The following KCNIP4 variants were observed in gnomAD, a reference collection of about 807,000 sequenced individuals.
KCNIP4 encodes the protein Kv channel-interacting protein 4.
In KCNIP4, 12 loss-of-function variants were observed where a neutral mutation model predicts 34.0. The ratio of observed to expected loss-of-function variants is 0.35; its 90% CI spans 0.23 to 0.57. The LOEUF (loss-of-function observed/expected upper bound fraction) is 0.57, where lower values mean the gene tolerates loss of function less well. KCNIP4 is among the 20% of genes least tolerant of loss of function. The pLI is 0.83. For missense variants in KCNIP4, 238 were observed against 311.7 expected (o/e 0.76, Z 1.78); for synonymous variants, 124 against 102.2 (o/e 1.21, Z -1.29).
intron 1 of KCNIP4, among the ~76,000 whole-genome samples, chr4:21,632,800 C>A (rs114757400): frequency 6.6e-6 from 1 of 152,154 alleles, no homozygotes; most frequent in Non-Finnish European, 1.5e-5. Flanking sequence ...GGAGGTCCAG[C>A]GTAAAGTAAT....
intron 1 of KCNIP4, among the ~76,000 whole-genome samples, chr4:21,197,976 G>A (rs756534768): frequency 1.2e-4 from 18 of 152,114 alleles, no homozygotes; most frequent in Non-Finnish European, 2.5e-4. Flanking sequence ...AACTTCATTT[G>A]AGGGGCAACA....
intron 1 of KCNIP4, among the ~76,000 whole-genome samples, chr4:21,186,928 C>T (rs558630897): frequency 3.5e-4 from 53 of 152,278 alleles, no homozygotes; most frequent in African/African-American, 1.3e-3. Context: ...GTGTGAGACA[C>T]TGGGCCCAGC....
At chr4:21,342,359 A>G (rs1164895351) in intron 1 of KCNIP4, among the ~76,000 whole-genome samples, 1 of 152,188 alleles carries the variant, frequency 6.6e-6, no homozygotes, top group African/African-American at 2.4e-5. Flanking sequence ...TATATACAGC[A>G]TAGGAAAAAA....
rs114539168 is a variant in KCNIP4, at chr4:21,616,554, T to C, written c.61+332017A>G. The stretch of plus-strand genomic sequence containing the variant: ...ACAGAGATTTACTTTCTCTTCATGT[T>C]AGAGGTTATATGTCTAAAATCAAGG... On this transcript the variant is annotated intron_variant, in intron 1 of 8. Transcript: ENST00000382152. Among the ~76,000 whole-genome samples, 240 of 152,302 alleles carry C rather than the reference T, an allele frequency of 1.6e-3. 1 individual carries two copies. The highest frequency in any genetic ancestry group is 5.3e-3 in the African/African-American group (222 of 41,566).
intron 1 of KCNIP4, among the ~76,000 whole-genome samples, chr4:21,186,379 G>A (rs531269987): frequency 2.0e-5 from 3 of 152,168 alleles, no homozygotes; most frequent in Non-Finnish European, 4.4e-5. Context: ...CATTATCTCA[G>A]AGAGTCTGTA....
At chr4:20,767,366 G>A (rs1377402891) in intron 3 of KCNIP4, 1 of 151,986 alleles carries the variant, frequency 6.6e-6, no homozygotes, top group Non-Finnish European at 1.5e-5. Context: ...AATGTCAGTA[G>A]AAACCCAGGA....
intron 1 of KCNIP4, among the ~76,000 whole-genome samples, chr4:21,136,603 C>T (rs1676625783): frequency 6.6e-6 from 1 of 152,088 alleles, no homozygotes; most frequent in Non-Finnish European, 1.5e-5. Context: ...AGGTACCTCT[C>T]AAAGCCTAAG....
At chr4:21,651,067 T>C (rs1251362146) in intron 1 of KCNIP4, among the ~76,000 whole-genome samples, 1 of 152,164 alleles carries the variant, frequency 6.6e-6, no homozygotes, top group African/African-American at 2.4e-5. Context: ...GGCTAGCTTG[T>C]GTAGATCAGG....
chr4:21,646,512 G>C (rs948964640), intron 1 of KCNIP4, among the ~76,000 whole-genome samples: 1 of 152,100 alleles, frequency 6.6e-6, no homozygotes. Flanking sequence ...ATAGAATAGC[G>C]CTAAACCAAA....
chr4:21,814,112 T>G (rs1721825489), intron 1 of KCNIP4, among the ~76,000 whole-genome samples: 1 of 152,098 alleles, frequency 6.6e-6, no homozygotes, highest in Admixed American at 6.6e-5. Context: ...TAAGTCAGGT[T>G]TTCGAGGTCA....
intron 1 of KCNIP4, among the ~76,000 whole-genome samples, chr4:20,896,867 C>T (rs996341601): frequency 1.3e-5 from 2 of 151,844 alleles, no homozygotes; most frequent in African/African-American, 4.8e-5. Context: ...ACAATGTCTG[C>T]ACACACAGAA....
chr4:21,207,258 T>C (rs1577888432), intron 1 of KCNIP4, among the ~76,000 whole-genome samples: 1 of 152,278 alleles, frequency 6.6e-6, no homozygotes, highest in South Asian at 2.1e-4. Context: ...GAGTTAAAGA[T>C]GAGCTTGGAA....
At chr4:20,872,504 C>T (rs528743235) in intron 2 of KCNIP4, among the ~76,000 whole-genome samples, 26 of 152,074 alleles carry the variant, frequency 1.7e-4, no homozygotes, top group Non-Finnish European at 2.8e-4. Context: ...ATTTTATAGA[C>T]CTGGTGGAGT....
chr4:21,551,805 G>A (rs866575573), intron 1 of KCNIP4, among the ~76,000 whole-genome samples: 1 of 151,980 alleles, frequency 6.6e-6, no homozygotes, highest in Admixed American at 6.6e-5. Context: ...AAATGCCAAT[G>A]CATATTAGAA....
At chr4:21,247,804 T>C (rs1227528537) in intron 1 of KCNIP4, among the ~76,000 whole-genome samples, 2 of 95,660 alleles carry the variant, frequency 2.1e-5, no homozygotes, top group Non-Finnish European at 3.8e-5. Context: ...CAGGTGGATA[T>C]ATATATATAT....
chr4:21,246,577 AT>A (rs1185910107), intron 1 of KCNIP4, among the ~76,000 whole-genome samples: 3 of 151,910 alleles, frequency 2.0e-5, no homozygotes, highest in Non-Finnish European at 4.4e-5. Flanking sequence ...CTATTTTTGC[AT>A]TTTTTTCCCT....
chr4:21,278,156 T>C (rs952230414), intron 1 of KCNIP4, among the ~76,000 whole-genome samples: 2 of 152,086 alleles, frequency 1.3e-5, no homozygotes, highest in Middle Eastern at 3.4e-3. Flanking sequence ...GAGCAGCAAA[T>C]CAGAAGAGGA....
chr4:21,356,769 C>A (rs1401241190), intron 1 of KCNIP4, among the ~76,000 whole-genome samples: 1 of 152,096 alleles, frequency 6.6e-6, no homozygotes, highest in African/African-American at 2.4e-5. Flanking sequence ...TCAATGCCAT[C>A]CCCATCAAGC....
chr4:20,880,320 C>T (rs1254744012), intron 2 of KCNIP4, among the ~76,000 whole-genome samples: 1 of 152,076 alleles, frequency 6.6e-6, no homozygotes. Context: ...ATTCACCTTT[C>T]CAACCCTGGA....
Sources: gnomAD v4.1 joint callset for allele counts (sites outside exome capture counted in the v4.1 genomes callset) on GRCh38, gnomAD v4.1.1 for gene constraint, MANE v1.5 for transcripts, NCBI Gene and HGNC (gene_info 2026-07-23, HGNC 2026-07-21) for gene names.